Variants in TM9SF2 observed in about 807,000 individuals in gnomAD.
The protein encoded by TM9SF2 is 76 kDa membrane protein.
TM9SF2 carries 13 observed loss-of-function variants against 84.9 expected under a neutral mutation model. The observed-to-expected ratio is 0.15, with a 90% CI of 0.10 to 0.24. The LOEUF is 0.24. TM9SF2 is among the 10% of genes least tolerant of loss of function. TM9SF2 has a pLI of 1.00. For synonymous variants in TM9SF2, 273 were observed against 285.8 expected (o/e 0.96, Z 0.45); for missense variants, 562 against 818.5 (o/e 0.69, Z 3.82).
intron 3 of TM9SF2, among the ~76,000 whole-genome samples, chr13:99,525,784 G>A (rs185983294): frequency 1.1e-3 from 170 of 151,414 alleles, no homozygotes; most frequent in African/African-American, 4.0e-3. Context: ...CTCGATCTCC[G>A]GACCTCGTGA....
At chr13:99,525,846 C>T (rs527565751) in intron 3 of TM9SF2, among the ~76,000 whole-genome samples, 10 of 152,252 alleles carry the variant, frequency 6.6e-5, no homozygotes, top group South Asian at 2.1e-4. Flanking sequence ...TGAGCCACCG[C>T]GCCCGGCCAG....
intron 3 of TM9SF2, among the ~76,000 whole-genome samples, chr13:99,525,235 C>CTT (rs2046177630): frequency 6.6e-6 from 1 of 151,580 alleles, no homozygotes; most frequent in African/African-American, 2.4e-5. Context: ...TCAAAGAGGA[C>CTT]TGTTTGTTTG....
At chr13:99,562,649 C>T (rs1442056516) in intron 16 of TM9SF2, 42 bp from the exon 17 acceptor site, 1 of 1,588,232 alleles carries the variant, frequency 6.3e-7, no homozygotes, top group East Asian at 2.2e-5. Context: ...AAGTATGAAA[C>T]TTCCTTTGAA....
At chr13:99,559,939 A>AGGG (rs1173131600) in intron 16 of TM9SF2, among the ~76,000 whole-genome samples, 5 of 152,050 alleles carry the variant, frequency 3.3e-5, no homozygotes, top group African/African-American at 1.2e-4. Flanking sequence ...GAGAGTAGGT[A>AGGG]GGGGATATCA....
At chr13:99,505,344 G>T (rs748595889) in intron 1 of TM9SF2, among the ~76,000 whole-genome samples, 7 of 151,946 alleles carry the variant, frequency 4.6e-5, no homozygotes, top group Non-Finnish European at 1.0e-4. Flanking sequence ...GTAGAGATGG[G>T]GTTTCACCAC....
At chr13:99,540,610 AGTT>A (rs1399054353) in intron 7 of TM9SF2, 101 bp from the exon 8 acceptor site, 1 of 758,584 alleles carries the variant, frequency 1.3e-6, no homozygotes. Flanking sequence ...TAGAAATTGC[AGTT>A]GTTGACTCAA....
rs1356658471 is a variant in TM9SF2, at chr13:99,563,601, C to T, written c.*843C>T. 6.6e-6 allele frequency: 1 copy of T among 152,234 alleles called. No individual in the cohort carries two copies. Among genetic ancestry groups the T allele is most frequent in the African/African-American group, 2.4e-5 (1 of 41,454 alleles). The allele number at this position is 152,234 out of a possible 1,614,324, so 9.4% of individuals were successfully genotyped here. A position where few individuals can be genotyped will look rare whatever the true frequency, so the allele number is the denominator to read the frequency against. On this transcript the variant is annotated 3_prime_UTR_variant, in exon 17 of 17. Coordinates refer to ENST00000376387, the MANE Select transcript of TM9SF2 (RefSeq NM_004800.3). ...GTGAGGCAGTAGAGGAGGTTGAAGT[C>T]ATGCATATCTAGACAGATGAATTAT...
rs1047086979 is a variant in TM9SF2, at chr13:99,532,251, T to C, written c.461+2657T>C. Among the ~76,000 whole-genome samples, 241 of 151,654 alleles carry C rather than the reference T, an allele frequency of 1.6e-3. 1 individual carries two copies. The highest frequency in any genetic ancestry group is 5.6e-3 in the African/African-American group (232 of 41,406). ...ATTTTTAGTAGAGACGGGGTTTCAC[T>C]GTGTTAGCCAGGATGGTCTCGATCT... On this transcript the variant is annotated intron_variant, in intron 4 of 16. Transcript: ENST00000376387.
intron 1 of TM9SF2, among the ~76,000 whole-genome samples, chr13:99,503,709 C>CAAAAA (rs386380419): frequency 7.8e-4 from 61 of 78,344 alleles, no homozygotes; most frequent in Non-Finnish European, 9.9e-4. Flanking sequence ...GACTTTGTCT[C>CAAAAA]AAAAAAAAAA....
At position 99,517,657 on chromosome 13, in the gene TM9SF2, C is replaced by A; in HGVS notation, c.215C>A (p.Ser72Ter). 2 of 1,590,176 alleles carry A rather than the reference C, an allele frequency of 1.3e-6. No homozygotes were observed. The highest frequency in any genetic ancestry group is 2.3e-5 in the South Asian group (2 of 85,984). ...LFVNRLDSVE[S>*]VLPYEYTAFD... Reference sequence around the variant, plus strand: ...GTGAACAGACTTGATTCAGTGGAATCAGTTCTTCCTTATGAATACACAGCG... The same window carrying A: ...GTGAACAGACTTGATTCAGTGGAATAAGTTCTTCCTTATGAATACACAGCG... The change falls in exon 2 of 17, where the codon TCA becomes TAA. Residue 72 changes from serine (S) to a stop codon, truncating the protein, a stop_gained. Coordinates refer to ENST00000376387, the MANE Select transcript of TM9SF2 (RefSeq NM_004800.3). LOFTEE classifies it high-confidence loss of function.
At chr13:99,514,592 C>T (rs996264742) in intron 1 of TM9SF2, among the ~76,000 whole-genome samples, 1 of 152,192 alleles carries the variant, frequency 6.6e-6, no homozygotes, top group Non-Finnish European at 1.5e-5. Flanking sequence ...CAAACACATC[C>T]CTGTCGTTAA....
intron 16 of TM9SF2, among the ~76,000 whole-genome samples, chr13:99,561,973 C>G (rs1257113565): frequency 2.6e-5 from 4 of 152,176 alleles, no homozygotes; most frequent in African/African-American, 7.2e-5. Context: ...ACCTGAAAAT[C>G]AAGCCATACA....
chr13:99,524,656 A>C (rs2046174410), intron 3 of TM9SF2, among the ~76,000 whole-genome samples: 1 of 151,912 alleles, frequency 6.6e-6, no homozygotes, highest in Non-Finnish European at 1.5e-5. Context: ...TAGATGAAGA[A>C]GACAAGATTC....
At chr13:99,513,278 G>A (rs958501414) in intron 1 of TM9SF2, among the ~76,000 whole-genome samples, 5 of 152,176 alleles carry the variant, frequency 3.3e-5, no homozygotes, top group African/African-American at 1.2e-4. Context: ...AAGGATATGA[G>A]AATAGGGCAA....
chr13:99,551,821 G>A (rs184347798), intron 12 of TM9SF2, among the ~76,000 whole-genome samples: 94 of 152,252 alleles, frequency 6.2e-4, no homozygotes, highest in African/African-American at 2.2e-3. Context: ...TCAGTAGCCC[G>A]TCACAGAAGG....
intron 1 of TM9SF2, among the ~76,000 whole-genome samples, chr13:99,510,463 G>A (rs1041678380): frequency 2.0e-5 from 3 of 152,146 alleles, no homozygotes; most frequent in African/African-American, 7.2e-5. Context: ...ATTGGCTCAC[G>A]ATTCTGCAGG....
chr13:99,553,948 T>C (rs186654994), intron 13 of TM9SF2, among the ~76,000 whole-genome samples: 3 of 152,360 alleles, frequency 2.0e-5, no homozygotes, highest in Admixed American at 6.5e-5. Flanking sequence ...CCAGCTGATT[T>C]CTTACAGTAC....
chr13:99,533,711 T>G (rs1461309195), intron 4 of TM9SF2, among the ~76,000 whole-genome samples: 1 of 152,204 alleles, frequency 6.6e-6, no homozygotes, highest in Admixed American at 6.5e-5. Flanking sequence ...CAGGCTGGAG[T>G]GCAGTGGCAC....
rs975142217 is a variant in TM9SF2 at position 99,549,379 on chromosome 13, G to A, written c.1328+157G>A. On this transcript the variant is annotated intron_variant, in intron 12 of 16. Coordinates refer to ENST00000376387, the MANE Select transcript of TM9SF2 (RefSeq NM_004800.3). ...GGGGTAAAATAAATATTTTATAAACGTTTGCCAAATGATTACCACATGTCT... is the reference window on the plus strand; with the variant it reads ...GGGGTAAAATAAATATTTTATAAACATTTGCCAAATGATTACCACATGTCT... 3.9e-5 allele frequency among the ~76,000 whole-genome samples: 6 copies of A among 152,164 alleles called. No homozygotes were observed. In the East Asian group the frequency reaches 5.8e-4, roughly 15 times the overall value.
Sources: gnomAD v4.1 joint callset for allele counts (sites outside exome capture counted in the v4.1 genomes callset) on GRCh38, gnomAD v4.1.1 for gene constraint, MANE v1.5 for transcripts, NCBI Gene and HGNC (gene_info 2026-07-23, HGNC 2026-07-21) for gene names.